PIAS1: variants seen among roughly 807,000 people sequenced by gnomAD.
PIAS1 encodes the protein E3 SUMO-protein ligase PIAS1.
A neutral mutation model predicts 71.3 loss-of-function variants in PIAS1; 6 were observed. The ratio of observed to expected loss-of-function variants is 0.08; its 90% CI spans 0.05 to 0.17. The LOEUF is 0.17. PIAS1 is among the 10% of genes least tolerant of loss of function. The pLI, the probability that PIAS1 is intolerant of heterozygous loss-of-function variation, is 1.00. For missense variants in PIAS1, 555 were observed against 793.6 expected, an observed-to-expected ratio of 0.70 and a Z score of 3.61; for synonymous variants, 303 against 292.9, an observed-to-expected ratio of 1.03 and a Z score of -0.35.
At chr15:68,114,888 A>G (rs2092552571) in intron 2 of PIAS1, among the ~76,000 whole-genome samples, 1 of 152,032 alleles carries the variant, frequency 6.6e-6, no homozygotes, top group African/African-American at 2.4e-5. Flanking sequence ...TTTGAGTTGT[A>G]ATTATATTCT....
At chr15:68,074,313 T>C (rs374353481) in intron 1 of PIAS1, among the ~76,000 whole-genome samples, 3 of 152,166 alleles carry the variant, frequency 2.0e-5, no homozygotes. Context: ...TACTTTTTTT[T>C]CCTTTTTTAA....
intron 9 of PIAS1, 125 bp from the exon 10 acceptor site, chr15:68,175,512 A>G (rs1180678738): frequency 1.1e-5 from 4 of 362,342 alleles, no homozygotes; most frequent in Non-Finnish European, 1.9e-5. Flanking sequence ...TCTTACATAA[A>G]TGTGACATAA....
intron 2 of PIAS1, among the ~76,000 whole-genome samples, chr15:68,124,584 G>A (rs1041225783): frequency 6.6e-6 from 1 of 152,000 alleles, no homozygotes; most frequent in Admixed American, 6.6e-5. Context: ...AGCCGGGTGT[G>A]GTGGTGCATG....
In PIAS1 at chr15:68,082,558, T is replaced by C. The variant is rs150249847; in HGVS notation, c.25-3748T>C. ...ATTAACTGTAAGGAAAGCAAAGTTA[T>C]ACAGAAAAGAGTAATCATGATGTAC... On this transcript the variant is annotated intron_variant, in intron 1 of 13. Coordinates refer to ENST00000249636, the MANE Select transcript of PIAS1 (RefSeq NM_016166.3). Among the ~76,000 whole-genome samples, 268 of 152,248 alleles carry C rather than the reference T, an allele frequency of 1.8e-3. 3 individuals carry two copies. Among genetic ancestry groups the C allele is most frequent in the African/African-American group, 6.2e-3 (256 of 41,554 alleles).
intron 2 of PIAS1, among the ~76,000 whole-genome samples, chr15:68,093,292 A>G (rs2092347678): frequency 6.6e-6 from 1 of 152,224 alleles, no homozygotes; most frequent in Non-Finnish European, 1.5e-5. Flanking sequence ...TCAGTTTTGT[A>G]ATTACAATTA....
intron 1 of PIAS1, among the ~76,000 whole-genome samples, chr15:68,075,093 T>C (rs1173506024): frequency 5.7e-5 from 8 of 140,670 alleles, no homozygotes; most frequent in African/African-American, 1.3e-4. Flanking sequence ...TTTTTTTTTT[T>C]TTTTTTTTTT....
intron 13 of PIAS1, chr15:68,184,506 TAAAGA>T (rs1020217730): frequency 6.6e-6 from 1 of 152,226 alleles, no homozygotes; most frequent in Admixed American, 6.5e-5. Flanking sequence ...TTGCAATGCT[TAAAGA>T]AAAGACTGGA....
At chr15:68,079,579 G>A (rs2092206936) in intron 1 of PIAS1, among the ~76,000 whole-genome samples, 1 of 152,130 alleles carries the variant, frequency 6.6e-6, no homozygotes, top group Non-Finnish European at 1.5e-5. Flanking sequence ...GGATCCTCCT[G>A]CTTCAGTCTC....
At chr15:68,177,720 T>TC (rs1417414728) in intron 11 of PIAS1, among the ~76,000 whole-genome samples, 1 of 152,230 alleles carries the variant, frequency 6.6e-6, no homozygotes, top group African/African-American at 2.4e-5. Context: ...AGTAGCATAC[T>TC]CCAACTATAC....
At chr15:68,092,237 A>G (rs1264863393) in intron 2 of PIAS1, among the ~76,000 whole-genome samples, 1 of 151,612 alleles carries the variant, frequency 6.6e-6, no homozygotes, top group Non-Finnish European at 1.5e-5. Flanking sequence ...GCAGTGGCAC[A>G]TTCTTGGCTC....
At chr15:68,128,717 A>G (rs1275053774) in intron 2 of PIAS1, among the ~76,000 whole-genome samples, 1 of 152,232 alleles carries the variant, frequency 6.6e-6, no homozygotes, top group Non-Finnish European at 1.5e-5. Context: ...GGAATTGAGA[A>G]TGAGTTTCTC....
At chr15:68,103,332 CT>C (rs11306018) in intron 2 of PIAS1, among the ~76,000 whole-genome samples, 142,045 of 146,020 alleles carry the variant, frequency 0.97, 69,108 homozygotes, top group Middle Eastern at 1. Flanking sequence ...TATTATTATC[CT>C]TTTTTTTTTT....
chr15:68,175,563 A>C (rs778665662), intron 9 of PIAS1, 74 bp from the exon 10 acceptor site: 43 of 746,708 alleles, frequency 5.8e-5, no homozygotes, highest in Non-Finnish European at 8.2e-5. Flanking sequence ...GATTTTAAGA[A>C]TAAATATAAC....
In PIAS1 at chr15:68,065,915, C is replaced by CTTTTTTTTTTTTTTTTTTTTTT. The variant is rs869104577; in HGVS notation, c.24+11572_24+11593dup. Among the ~76,000 whole-genome samples, 6 of 40,174 alleles carry CTTTTTTTTTTTTTTTTTTTTTT rather than the reference C, an allele frequency of 1.5e-4. 1 individual carries two copies. Among genetic ancestry groups the CTTTTTTTTTTTTTTTTTTTTTT allele is most frequent in the Non-Finnish European group, 1.9e-4 (5 of 25,992 alleles). The allele number at this position is 40,174 out of a possible 152,430, so 26.4% of individuals were successfully genotyped here. On this transcript the variant is annotated intron_variant, in intron 1 of 13. Coordinates refer to ENST00000249636, the MANE Select transcript of PIAS1 (RefSeq NM_016166.3). ...GCCACCATGCTCAGCTGACTAAAAG[C>CTTTTTTTTTTTTTTTTTTTTTT]TTTTTTTTTTTTTTTTTTTTTTTTT... is the stretch of plus-strand genomic sequence containing the variant.
intron 6 of PIAS1, among the ~76,000 whole-genome samples, chr15:68,151,430 C>T (rs2092843149): frequency 6.6e-6 from 1 of 151,960 alleles, no homozygotes; most frequent in African/African-American, 2.4e-5. Context: ...GTTGTCAATA[C>T]ATAGTTTCAC....
chr15:68,150,552 G>A (rs995600749), intron 6 of PIAS1, among the ~76,000 whole-genome samples: 3 of 152,168 alleles, frequency 2.0e-5, no homozygotes, highest in Non-Finnish European at 4.4e-5. Context: ...AGTGAGAAAT[G>A]TTGCAACTGT....
chr15:68,130,408 T>TA (rs1165965861), intron 2 of PIAS1, among the ~76,000 whole-genome samples: 2 of 151,966 alleles, frequency 1.3e-5, no homozygotes. Context: ...AGTTTCCAGA[T>TA]ATATTAAACA....
At chr15:68,123,752 T>C (rs1392548798) in intron 2 of PIAS1, among the ~76,000 whole-genome samples, 1 of 152,184 alleles carries the variant, frequency 6.6e-6, no homozygotes, top group Admixed American at 6.5e-5. Flanking sequence ...GTATATTCTG[T>C]GATATTATAG....
chr15:68,072,899 T>A (rs908019926), intron 1 of PIAS1, among the ~76,000 whole-genome samples: 1 of 152,366 alleles, frequency 6.6e-6, no homozygotes. Flanking sequence ...AGTTTTGCCC[T>A]TAAAACTAAA....
Sources: allele counts gnomAD v4.1 joint callset (sites outside exome capture counted in the v4.1 genomes callset), GRCh38; gene constraint gnomAD v4.1.1; transcripts MANE v1.5; gene names NCBI Gene and HGNC (gene_info 2026-07-23, HGNC 2026-07-21).